Variants in MIDEAS observed in about 807,000 individuals in gnomAD.
The protein encoded by MIDEAS is mitotic deacetylase associated SANT domain protein.
MIDEAS carries 26 observed loss-of-function variants against 102.7 expected under a neutral mutation model. The ratio of observed to expected loss-of-function variants is 0.25; its 90% confidence interval spans 0.19 to 0.35. MIDEAS has a LOEUF of 0.35. MIDEAS is among the 10% of genes least tolerant of loss of function. The pLI, the probability that MIDEAS is intolerant of heterozygous loss-of-function variation, is 1.00. For synonymous variants in MIDEAS, 585 were observed against 591.0 expected, an observed-to-expected ratio of 0.99 and a Z score of 0.15; for missense variants, 1,231 against 1,435.6, an observed-to-expected ratio of 0.86 and a Z score of 2.30.
intron 3 of MIDEAS, among the ~76,000 whole-genome samples, chr14:73,733,473 C>A (rs1465832723): frequency 6.6e-6 from 1 of 151,834 alleles, no homozygotes; most frequent in African/African-American, 2.4e-5. Flanking sequence ...CCTGTAGTCC[C>A]AGCTACTCAG....
intron 5 of MIDEAS, 119 bp downstream of exon 5, chr14:73,727,339 G>GGCCCTCTCA: frequency 9.7e-7 from 1 of 1,035,400 alleles, no homozygotes; most frequent in Non-Finnish European, 1.5e-6. Context: ...AGCTCAAGGA[G>GGCCCTCTCA]GCCCTCTCAG....
chr14:73,780,591 G>A (rs776657605), intron 1 of MIDEAS, among the ~76,000 whole-genome samples: 2 of 152,204 alleles, frequency 1.3e-5, no homozygotes, highest in African/African-American at 2.4e-5. Context: ...CACTCACATG[G>A]TTGACAGCAC....
intron 1 of MIDEAS, among the ~76,000 whole-genome samples, chr14:73,749,672 A>AT (rs1378620073): frequency 1.3e-5 from 2 of 151,736 alleles, no homozygotes; most frequent in Non-Finnish European, 2.9e-5. Flanking sequence ...AGTCTCAACA[A>AT]ATTTAAAGGG....
chr14:73,726,183 T>G (rs1464139075), intron 7 of MIDEAS, 75 bp from the exon 8 acceptor site: 6 of 1,215,592 alleles, frequency 4.9e-6, no homozygotes, highest in Non-Finnish European at 7.1e-6. Flanking sequence ...TAGGCCCTGA[T>G]AAAATCCCGA....
intron 1 of MIDEAS, among the ~76,000 whole-genome samples, chr14:73,772,635 G>C (rs1236211632): frequency 6.6e-6 from 1 of 151,564 alleles, no homozygotes; most frequent in Non-Finnish European, 1.5e-5. Flanking sequence ...AATATCTTTG[G>C]TGTGCAGGAA....
intron 5 of MIDEAS, 132 bp downstream of exon 5, chr14:73,727,326 A>G: frequency 1.1e-6 from 1 of 940,018 alleles, no homozygotes; most frequent in Non-Finnish European, 1.7e-6. Flanking sequence ...GGCCACATAC[A>G]GAAGCTCAAG....
intron 2 of MIDEAS, 114 bp downstream of exon 2, chr14:73,738,446 C>T (rs2053232278): frequency 1.5e-6 from 2 of 1,302,548 alleles, no homozygotes; most frequent in Middle Eastern, 2.8e-4. Flanking sequence ...TTCCCACAGG[C>T]AGCTGGCTAG....
rs759722687 is a variant in MIDEAS, at chr14:73,722,659, G to A, written c.2724+39C>T. ...CAGCTCAGGCCTGGTCCCAGACCCA[G>A]CCCAGGCTCTATGCAGCTGAGGTTG... On this transcript the variant is annotated intron_variant, in intron 10 of 12. Coordinates refer to ENST00000423556, the MANE Select transcript of MIDEAS (RefSeq NM_001367710.1). 2.5e-6 allele frequency: 4 copies of A among 1,606,820 alleles called. No homozygotes were observed. The South Asian group carries it at 4.4e-5, about 18-fold the overall frequency.
chr14:73,725,426 G>A lies in MIDEAS; in HGVS notation c.2486-66C>T. The A allele has an allele frequency of 1.5e-6, 2 of 1,375,946 alleles. No individual in the cohort carries two copies. Among genetic ancestry groups the A allele is most frequent in the South Asian group, 2.3e-5 (2 of 85,500 alleles). 85.2% of individuals were successfully genotyped at this position (1,375,946 alleles called of 1,614,324 possible). ...GCCCTGGCCACTGCAGGGCAATTTTGACAAGCAAAAAAGTGTGAGGCCATC... is the reference window on the plus strand; with the variant it reads ...GCCCTGGCCACTGCAGGGCAATTTTAACAAGCAAAAAAGTGTGAGGCCATC... On this transcript the variant is annotated intron_variant, in intron 8 of 12. Coordinates refer to ENST00000423556, the MANE Select transcript of MIDEAS (RefSeq NM_001367710.1). The surrounding 1 kb of genome is among the most constrained non-coding windows in gnomAD (Gnocchi z 4.1).
chr14:73,727,336 G>T, intron 5 of MIDEAS, 122 bp downstream of exon 5: 3 of 1,017,978 alleles, frequency 2.9e-6, no homozygotes, highest in Non-Finnish European at 4.5e-6. Context: ...AGAAGCTCAA[G>T]GAGGCCCTCT....
At chr14:73,738,442 C>T in intron 2 of MIDEAS, 118 bp downstream of exon 2, 1 of 1,275,192 alleles carries the variant, frequency 7.8e-7, no homozygotes, top group South Asian at 1.8e-5. Context: ...TGTTTTCCCA[C>T]AGGCAGCTGG....
chr14:73,772,192 T>C (rs986470894), intron 1 of MIDEAS, among the ~76,000 whole-genome samples: 4 of 152,192 alleles, frequency 2.6e-5, no homozygotes, highest in Admixed American at 2.6e-4. Context: ...AGCTGTTTGG[T>C]TTTCCTGGTA....
At chr14:73,719,637 T>C in intron 11 of MIDEAS, 136 bp from the exon 12 acceptor site, 1 of 806,818 alleles carries the variant, frequency 1.2e-6, no homozygotes, top group Non-Finnish European at 2.0e-6. Flanking sequence ...ACTTGGGTCC[T>C]TCCAGGGATA....
At position 73,740,111 on chromosome 14, in the gene MIDEAS, A is replaced by G; in HGVS notation, c.-103T>C. The G allele has an allele frequency of 1.5e-6, 2 of 1,374,168 alleles. No homozygotes were observed. Among genetic ancestry groups the G allele is most frequent in the South Asian group, 3.9e-5 (2 of 50,656 alleles). The allele number at this position is 1,374,168 out of a possible 1,614,324, so 85.1% of individuals were successfully genotyped here. A position where few individuals can be genotyped will look rare whatever the true frequency, so the allele number is the denominator to read the frequency against. ...CCGGGCTCTAGTCCAGGAGCCAGGG[A>G]GGGCAGAGCAGGGGCAGAGGAAGAC... On this transcript the variant is annotated 5_prime_UTR_variant, in exon 2 of 13. Coordinates refer to ENST00000423556, the MANE Select transcript of MIDEAS (RefSeq NM_001367710.1).
chr14:73,788,515 C>A (rs572376149), upstream of MIDEAS, among the ~76,000 whole-genome samples: 2 of 152,186 alleles, frequency 1.3e-5, no homozygotes, highest in Admixed American at 6.5e-5. Context: ...CAAAGATAGG[C>A]GTATGAAGAT....
At chr14:73,779,456 G>A (rs1276517063) in intron 1 of MIDEAS, among the ~76,000 whole-genome samples, 1 of 149,972 alleles carries the variant, frequency 6.7e-6, no homozygotes, top group African/African-American at 2.4e-5. Context: ...AAGGTGAATT[G>A]ACGCATCAAG....
At position 73,740,016 on chromosome 14, in the gene MIDEAS, C is replaced by T. The variant is rs1221306936; in HGVS notation, c.-8G>A. ...CTGGGCCTGGAGGTTCATGATGTGG[C>T]CAACTGAGCCCTGGCGGTGAGATCC... On this transcript the variant is annotated 5_prime_UTR_variant, in exon 2 of 13. Coordinates refer to ENST00000423556, the MANE Select transcript of MIDEAS (RefSeq NM_001367710.1). 2 of 1,476,464 alleles carry T rather than the reference C, an allele frequency of 1.4e-6. No homozygotes were observed. Among genetic ancestry groups the T allele is most frequent in the Admixed American group, 4.8e-5 (2 of 41,310 alleles). The allele number at this position is 1,476,464 out of a possible 1,614,324, so 91.5% of individuals were successfully genotyped here.
chr14:73,737,205 C>T lies in MIDEAS; in HGVS notation c.1542G>A (p.Lys514=). 1 of 1,614,194 alleles carries T rather than the reference C, an allele frequency of 6.2e-7. No homozygotes were observed. ...CCATCCCACTGTCTTCTCGTGCTCG[C>T]TTGGTGGCTAAGGAAGGCTCAGAAA... ...VEFSEPSLAT[K]RAREDSGMVP... The change falls in exon 3 of 13, where the codon AAG becomes AAA. Residue 514 remains lysine (K), a synonymous_variant. Coordinates refer to ENST00000423556, the MANE Select transcript of MIDEAS (RefSeq NM_001367710.1).
chr14:73,769,391 A>T, intron 1 of MIDEAS, among the ~76,000 whole-genome samples: 1 of 152,182 alleles, frequency 6.6e-6, no homozygotes, highest in Non-Finnish European at 1.5e-5. Flanking sequence ...GAGAGGAAAA[A>T]CCTACATCAG....
Sources: allele counts gnomAD v4.1 joint callset (sites outside exome capture counted in the v4.1 genomes callset), GRCh38; gene constraint gnomAD v4.1.1; non-coding constraint Gnocchi (gnomAD v3.1); transcripts MANE v1.5; gene names NCBI Gene and HGNC (gene_info 2026-07-23, HGNC 2026-07-21).